KCNMA1: variants seen among roughly 807,000 people sequenced by gnomAD.
KCNMA1 encodes potassium calcium-activated channel subfamily M alpha 1.
Under a neutral mutation model 140.0 loss-of-function variants are expected in KCNMA1, and 29 were observed. That is an observed-to-expected ratio of 0.21 (90% CI 0.15 to 0.28). The LOEUF (loss-of-function observed/expected upper bound fraction) is 0.28, where lower values mean the gene tolerates loss of function less well. Ranked by LOEUF, KCNMA1 falls within the 10% of genes least tolerant of loss-of-function variation. KCNMA1 has a pLI of 1.00. For synonymous variants in KCNMA1, 612 were observed against 611.9 expected (o/e 1.00, Z 0.00); for missense variants, 880 against 1,602.2 (o/e 0.55, Z 7.70).
chr10:77,100,320 T>C (rs946149157), intron 9 of KCNMA1, among the ~76,000 whole-genome samples: 1 of 151,930 alleles, frequency 6.6e-6, no homozygotes, highest in African/African-American at 2.4e-5. Flanking sequence ...CCCACTGAGA[T>C]GGGCACATAT....
intron 3 of KCNMA1, among the ~76,000 whole-genome samples, chr10:77,185,169 T>A (rs937414634): frequency 1.3e-5 from 2 of 152,054 alleles, no homozygotes; most frequent in African/African-American, 4.8e-5. Flanking sequence ...TTTTTTATCA[T>A]CATTCAGCAG....
At chr10:77,213,875 G>A (rs149330483) in intron 3 of KCNMA1, among the ~76,000 whole-genome samples, 12 of 152,052 alleles carry the variant, frequency 7.9e-5, no homozygotes, top group East Asian at 1.9e-4. Flanking sequence ...GCCTGTTCAC[G>A]TGCTCCCCAC....
chr10:77,184,369 G>A (rs533647494), intron 4 of KCNMA1, among the ~76,000 whole-genome samples: 13 of 152,100 alleles, frequency 8.5e-5, no homozygotes, highest in South Asian at 8.3e-4. Context: ...ACAGATGCCC[G>A]CCGCCACGCC....
At chr10:77,490,213 G>A (rs1224842210) in intron 1 of KCNMA1, among the ~76,000 whole-genome samples, 3 of 152,092 alleles carry the variant, frequency 2.0e-5, no homozygotes, top group Admixed American at 6.5e-5. Flanking sequence ...GAATTATTGG[G>A]TTTACACATG....
intron 2 of KCNMA1, among the ~76,000 whole-genome samples, chr10:77,282,225 G>A (rs563167858): frequency 6.6e-6 from 1 of 152,186 alleles, no homozygotes; most frequent in South Asian, 2.1e-4. Context: ...CAATGTGTGG[G>A]GGCAGATTTG....
At chr10:76,880,534 G>A (rs7083346), downstream of KCNMA1, among the ~76,000 whole-genome samples, 11,598 of 152,168 alleles carry the variant, frequency 0.076, 1,407 homozygotes, top group African/African-American at 0.26. Context: ...TGCTCTGGGC[G>A]TTTTACTAAA....
chr10:77,200,542 T>C (rs572964588), intron 3 of KCNMA1, among the ~76,000 whole-genome samples: 89 of 152,210 alleles, frequency 5.8e-4, no homozygotes, highest in African/African-American at 2.1e-3. Flanking sequence ...ACTGAAGCAA[T>C]TTCCTAAACC....
At chr10:77,070,842 GGGGAGCATGTGAATAA>G (rs1406305759) in intron 14 of KCNMA1, among the ~76,000 whole-genome samples, 5 of 152,170 alleles carry the variant, frequency 3.3e-5, no homozygotes, top group African/African-American at 1.2e-4. Context: ...AATGTAGAAT[GGGGAGCATGTGAATAA>G]GGCATCTCTA....
At chr10:77,430,187 T>A (rs1273881217) in intron 1 of KCNMA1, among the ~76,000 whole-genome samples, 1 of 152,224 alleles carries the variant, frequency 6.6e-6, no homozygotes, top group Non-Finnish European at 1.5e-5. Context: ...AGGTAGCCTC[T>A]CTCACCCTGA....
chr10:76,922,265 T>G (rs924514077), intron 23 of KCNMA1, among the ~76,000 whole-genome samples: 1 of 152,226 alleles, frequency 6.6e-6, no homozygotes, highest in Admixed American at 6.5e-5. Flanking sequence ...AGGCTTAGAA[T>G]GGAGAAGTTA....
intron 25 of KCNMA1, among the ~76,000 whole-genome samples, chr10:76,899,182 T>C (rs1158348178): frequency 1.3e-5 from 2 of 152,246 alleles, no homozygotes; most frequent in Non-Finnish European, 2.9e-5. Context: ...TTCCTTAACA[T>C]GTAAATAGGC....
chr10:77,421,923 G>C (rs1204111512), intron 1 of KCNMA1, among the ~76,000 whole-genome samples: 2 of 152,204 alleles, frequency 1.3e-5, no homozygotes, highest in Non-Finnish European at 2.9e-5. Flanking sequence ...TAAATTCACG[G>C]AACACCAGTC....
intron 14 of KCNMA1, among the ~76,000 whole-genome samples, chr10:77,042,776 G>C (rs1283013588): frequency 1.3e-5 from 2 of 152,118 alleles, no homozygotes; most frequent in African/African-American, 4.8e-5. Context: ...TTTTAAATAA[G>C]AAGGAACACA....
At chr10:77,572,753 C>T in intron 1 of KCNMA1, among the ~76,000 whole-genome samples, 1 of 128,888 alleles carries the variant, frequency 7.8e-6, no homozygotes. Context: ...GAGATCTTGT[C>T]TCAAAAAAAA....
chr10:77,383,796 C>T (rs7913952), intron 2 of KCNMA1, among the ~76,000 whole-genome samples: 5 of 152,128 alleles, frequency 3.3e-5, no homozygotes, highest in Non-Finnish European at 5.9e-5. Flanking sequence ...TGGCCTCAAG[C>T]GATTCTCCTG....
chr10:77,553,408 A>G (rs2063338086), intron 1 of KCNMA1, among the ~76,000 whole-genome samples: 1 of 152,074 alleles, frequency 6.6e-6, no homozygotes, highest in African/African-American at 2.4e-5. Context: ...GAAGGCAGGA[A>G]CCAGGCGCCG....
At chr10:77,226,145 A>T (rs2051319433) in intron 3 of KCNMA1, among the ~76,000 whole-genome samples, 1 of 152,172 alleles carries the variant, frequency 6.6e-6, no homozygotes. Flanking sequence ...AAAAGAGGGC[A>T]TGCTGCTTTT....
At chr10:77,623,735 G>A (rs1158505481) in intron 1 of KCNMA1, among the ~76,000 whole-genome samples, 1 of 151,850 alleles carries the variant, frequency 6.6e-6, no homozygotes, top group South Asian at 2.1e-4. Flanking sequence ...AATATTTGCA[G>A]GATGTTTGCA....
intron 3 of KCNMA1, among the ~76,000 whole-genome samples, chr10:77,245,268 C>T (rs2058302398): frequency 6.6e-6 from 1 of 152,184 alleles, no homozygotes. Flanking sequence ...GGTGAGCTTC[C>T]TTTTCCATGT....
Sources: allele counts gnomAD v4.1 joint callset (sites outside exome capture counted in the v4.1 genomes callset), GRCh38; gene constraint gnomAD v4.1.1; transcripts MANE v1.5; gene names NCBI Gene and HGNC (gene_info 2026-07-23, HGNC 2026-07-21).